UNC80: variants seen among roughly 807,000 people sequenced by gnomAD.
UNC80 encodes protein unc-80 homolog.
A neutral mutation model predicts 384.6 loss-of-function variants in UNC80; 164 were observed. The observed-to-expected ratio is 0.43, with a 90% confidence interval of 0.38 to 0.49. The LOEUF (loss-of-function observed/expected upper bound fraction) is 0.49, where lower values mean the gene tolerates loss of function less well. Among genes scored for constraint, UNC80 ranks in the 20% least tolerant of loss-of-function variants. The pLI is 0.00. For synonymous variants in UNC80, 1,486 were observed against 1,527.8 expected (o/e 0.97, Z 0.64); for missense variants, 3,330 against 4,143.0 (o/e 0.80, Z 5.39).
chr2:209,846,332 A>G (rs2082168799), intron 21 of UNC80, among the ~76,000 whole-genome samples: 2 of 152,134 alleles, frequency 1.3e-5, no homozygotes. Flanking sequence ...TTGTGTTTTC[A>G]TATTCACTGA....
intron 22 of UNC80, among the ~76,000 whole-genome samples, chr2:209,851,035 A>G (rs1309294074): frequency 6.6e-6 from 1 of 152,172 alleles, no homozygotes; most frequent in Non-Finnish European, 1.5e-5. Flanking sequence ...ACAAACACTT[A>G]AACAATGGAA....
chr2:209,820,579 AAGG>A lies in UNC80; in HGVS notation c.2238_2240del (p.Gly748del). The A allele has an allele frequency of 1.9e-6, 3 of 1,550,564 alleles. No homozygotes were observed. Among genetic ancestry groups the A allele is most frequent in the South Asian group, 2.4e-5 (2 of 83,958 alleles). ...GGAGCTGGAGATGGTGGAGGAGAAGAAGGAGGAGGTGGAGATGGAGGAGGTGGA... is the reference window on the plus strand; with the variant it reads ...GGAGCTGGAGATGGTGGAGGAGAAGAAGGAGGTGGAGATGGAGGAGGTGGA... On this transcript the variant is annotated inframe_deletion, in exon 13 of 65. Transcript: ENST00000673920.
intron 7 of UNC80, among the ~76,000 whole-genome samples, chr2:209,797,736 C>G (rs1348966893): frequency 6.6e-6 from 1 of 152,124 alleles, no homozygotes; most frequent in Non-Finnish European, 1.5e-5. Context: ...AATCGACATG[C>G]TATCTTCCAC....
intron 33 of UNC80, 81 bp from the exon 34 acceptor site, chr2:209,921,419 G>T: frequency 1.5e-6 from 2 of 1,321,012 alleles, no homozygotes; most frequent in Non-Finnish European, 2.0e-6. Flanking sequence ...CTACGTTTGT[G>T]TCATTCATTG....
At chr2:209,782,930 C>A (rs183735880) in intron 4 of UNC80, among the ~76,000 whole-genome samples, 58 of 148,672 alleles carry the variant, frequency 3.9e-4, no homozygotes, top group African/African-American at 1.4e-3. Context: ...TCAACAAATT[C>A]TTATCAAGTG....
chr2:209,949,671 T>A (rs1360127094), intron 47 of UNC80, among the ~76,000 whole-genome samples: 1 of 152,086 alleles, frequency 6.6e-6, no homozygotes, highest in African/African-American at 2.4e-5. Flanking sequence ...AGACATGGGG[T>A]TTCACCATGT....
intron 33 of UNC80, among the ~76,000 whole-genome samples, chr2:209,919,544 A>G (rs1335074871): frequency 6.6e-6 from 1 of 152,218 alleles, no homozygotes; most frequent in Non-Finnish European, 1.5e-5. Context: ...GGCCAAAACA[A>G]CTTACTGTTT....
In UNC80 at chr2:209,992,196, A is replaced by G. The variant is rs368634423; in HGVS notation, c.9345A>G (p.Gln3115=). ...RVASIQSEPG[Q]QNLLVQQPLG... ...CAAGTATACAGAGTGAACCTGGTCA[A>G]CAGAACCTCCTTGTTCAGCAGCCGC... The change falls in exon 62 of 65, where the codon CAA becomes CAG. Residue 3115 remains glutamine (Q), a synonymous_variant. Coordinates refer to ENST00000673920, the MANE Select transcript of UNC80 (RefSeq NM_001371986.1). 1.2e-5 allele frequency: 19 copies of G among 1,551,666 alleles called. No homozygotes were observed. In the African/African-American group the frequency reaches 2.3e-4, roughly 19 times the overall value.
chr2:209,836,907 T>C (rs1250559244), intron 18 of UNC80, among the ~76,000 whole-genome samples: 1 of 152,240 alleles, frequency 6.6e-6, no homozygotes, highest in Non-Finnish European at 1.5e-5. Flanking sequence ...TAACATTTTA[T>C]TGAGGAAATT....
intron 31 of UNC80, among the ~76,000 whole-genome samples, chr2:209,917,400 T>A (rs1173529433): frequency 6.6e-6 from 1 of 152,224 alleles, no homozygotes; most frequent in Non-Finnish European, 1.5e-5. Flanking sequence ...AATGAGGTAG[T>A]TTTTAAAGGA....
At chr2:209,856,160 G>A (rs971165739) in intron 22 of UNC80, among the ~76,000 whole-genome samples, 5 of 152,056 alleles carry the variant, frequency 3.3e-5, no homozygotes, top group African/African-American at 1.2e-4. Flanking sequence ...TTTTAACAAT[G>A]TGGTGCTTTA....
intron 44 of UNC80, among the ~76,000 whole-genome samples, chr2:209,942,931 C>T (rs1477441954): frequency 1.3e-5 from 2 of 151,972 alleles, no homozygotes; most frequent in African/African-American, 4.8e-5. Context: ...TTTCATATAA[C>T]ACTAAGAATA....
Position 209,820,419 on chromosome 2 carries a change from T to A in UNC80, c.2071T>A (p.Cys691Ser). 2 of 1,551,784 alleles carry A rather than the reference T, an allele frequency of 1.3e-6. No homozygotes were observed. The highest frequency in any genetic ancestry group is 1.7e-6 in the Non-Finnish European group (2 of 1,147,012). The stretch of plus-strand genomic sequence containing the variant: ...CTTGCTTCAACTTGGTGTGGTGCCC[T>A]GTGTAGAAAAGAATAGAAAGAAGAG... Reference protein sequence around the residue: ...ECLLQLGVVPCVEKNRKKSEN... With the variant: ...ECLLQLGVVPSVEKNRKKSEN... The change falls in exon 13 of 65, where the codon TGT becomes AGT. Residue 691 changes from cysteine to serine, a missense_variant. Physicochemically the swap from Cys to Ser is moderately radical, Grantham distance 112 (BLOSUM62 -1). Around this residue, in one of 8 missense-constraint regions of UNC80, gnomAD observed 937 missense variants for 1,026.8 expected, o/e 0.91. Coordinates refer to ENST00000673920, the MANE Select transcript of UNC80 (RefSeq NM_001371986.1).
At chr2:209,965,097 C>G (rs910576729) in intron 51 of UNC80, among the ~76,000 whole-genome samples, 1 of 151,788 alleles carries the variant, frequency 6.6e-6, no homozygotes, top group African/African-American at 2.4e-5. Flanking sequence ...TTAAAATAGT[C>G]TAGGGTAGGG....
intron 4 of UNC80, among the ~76,000 whole-genome samples, chr2:209,779,797 G>C (rs897176933): frequency 6.6e-6 from 1 of 152,192 alleles, no homozygotes; most frequent in Admixed American, 6.5e-5. Context: ...GCCCAAAAAA[G>C]ATGTTTATAT....
intron 42 of UNC80, 34 bp downstream of exon 42, chr2:209,937,664 T>C (rs1442869048): frequency 2.0e-6 from 3 of 1,474,368 alleles, no homozygotes; most frequent in Admixed American, 2.0e-5. Flanking sequence ...TCCATGGTTT[T>C]GTCATGTTGT....
chr2:209,949,790 T>C (rs908140957), intron 47 of UNC80, among the ~76,000 whole-genome samples: 1 of 150,432 alleles, frequency 6.6e-6, no homozygotes, highest in Non-Finnish European at 1.5e-5. Flanking sequence ...CCACCCCTTT[T>C]TAAAAACTCC....
intron 30 of UNC80, among the ~76,000 whole-genome samples, chr2:209,912,993 T>C (rs2089126946): frequency 6.6e-6 from 1 of 152,226 alleles, no homozygotes; most frequent in Non-Finnish European, 1.5e-5. Context: ...TCTGGGTTCA[T>C]ATCCCATGTC....
At chr2:209,918,872 C>A (rs1272415779) in intron 33 of UNC80, among the ~76,000 whole-genome samples, 1 of 152,060 alleles carries the variant, frequency 6.6e-6, no homozygotes, top group East Asian at 1.9e-4. Context: ...GTTTTATAAT[C>A]AAAGCAGAAG....
Sources: allele counts gnomAD v4.1 joint callset (sites outside exome capture counted in the v4.1 genomes callset), GRCh38; gene constraint gnomAD v4.1.1; regional missense constraint gnomAD v4.1.1; transcripts MANE v1.5; gene names NCBI Gene and HGNC (gene_info 2026-07-23, HGNC 2026-07-21).